The following ZNF568 variants were observed in gnomAD, a reference collection of about 807,000 sequenced individuals.
ZNF568 encodes the protein zinc finger protein 568.
ZNF568 carries 11 observed loss-of-function variants against 18.1 expected under a neutral mutation model. The observed-to-expected ratio is 0.61, with a 90% CI of 0.38 to 1.00. The LOEUF is 1.00. Ranked by LOEUF, ZNF568 falls within the 50% of genes least tolerant of loss-of-function variation. ZNF568 has a pLI of 0.01. For missense variants in ZNF568, 639 were observed against 768.2 expected, an observed-to-expected ratio of 0.83 and a Z score of 1.99; for synonymous variants, 213 against 246.6, an observed-to-expected ratio of 0.86 and a Z score of 1.28.
chr19:36,960,714 G>A (rs895294605), intron 6 of ZNF568, among the ~76,000 whole-genome samples: 13 of 149,246 alleles, frequency 8.7e-5, no homozygotes, highest in African/African-American at 2.7e-4. Flanking sequence ...GGCAACAAGA[G>A]TGAAACTCCA....
intron 4 of ZNF568, among the ~76,000 whole-genome samples, chr19:36,993,751 A>G (rs1423486240): frequency 1.3e-5 from 2 of 152,018 alleles, no homozygotes; most frequent in African/African-American, 2.4e-5. Flanking sequence ...GATATCTCCT[A>G]TTTCATTCCT....
chr19:36,970,678 T>G (rs936704539), intron 6 of ZNF568, among the ~76,000 whole-genome samples: 31 of 152,240 alleles, frequency 2.0e-4, no homozygotes, highest in African/African-American at 7.0e-4. Context: ...AAAAATTCAT[T>G]GGAGAGCATA....
exon 4 of ZNF568, chr19:36,991,820 G>T (rs758161094): frequency 6.3e-7 from 1 of 1,578,242 alleles, no homozygotes; most frequent in South Asian, 1.1e-5. Context: ...ATGGTTAAGA[G>T]GAAGGAGACA....
chr19:36,925,289 A>G (rs749993305), intron 4 of ZNF568, 31 bp downstream of exon 4: 4 of 1,606,280 alleles, frequency 2.5e-6, no homozygotes, highest in Non-Finnish European at 3.4e-6. Context: ...TGTTTCCTGC[A>G]TTATTTTGCA....
downstream of ZNF568, chr19:36,997,442 T>G: frequency 6.3e-7 from 1 of 1,590,348 alleles, no homozygotes; most frequent in Middle Eastern, 1.7e-4. Context: ...CATCAAAAAG[T>G]TCACACTGGG....
At position 36,988,872 on chromosome 19, in the gene ZNF568, T is replaced by G. The variant is rs182951865; in HGVS notation, c.10-2304T>G. Among the ~76,000 whole-genome samples, 229 of 152,280 alleles carry G rather than the reference T, an allele frequency of 1.5e-3. No individual in the cohort carries two copies. In the Middle Eastern group the frequency reaches 0.017, roughly 11 times the overall value. On this transcript the variant is annotated intron_variant, in intron 2 of 4. Coordinates refer to the ZNF568 transcript ENST00000433993. ...TGGTAAGAACATTCAAAAGCCTCTC[T>G]TCTAGCTATTTTGTAATATACAATA...
chr19:36,924,810 G>T (rs1465783834), intron 3 of ZNF568, among the ~76,000 whole-genome samples: 1 of 150,716 alleles, frequency 6.6e-6, no homozygotes, highest in South Asian at 2.1e-4. Flanking sequence ...CAGCCTGGAC[G>T]GCAGAGTGAG....
At chr19:36,989,581 TCTTG>T (rs1568409238) in intron 2 of ZNF568, among the ~76,000 whole-genome samples, 1 of 152,188 alleles carries the variant, frequency 6.6e-6, no homozygotes, top group Non-Finnish European at 1.5e-5. Context: ...TGAGACAACA[TCTTG>T]CTTGGTCACC....
downstream of ZNF568, among the ~76,000 whole-genome samples, chr19:36,956,692 G>A (rs995158690): frequency 4.5e-4 from 68 of 151,946 alleles, no homozygotes; most frequent in Middle Eastern, 3.2e-3. Flanking sequence ...TGCCTCCCAG[G>A]CTCAAGCGAT....
intron 6 of ZNF568, among the ~76,000 whole-genome samples, chr19:36,962,277 G>GTTTTTT (rs71177418): frequency 6.8e-4 from 31 of 45,262 alleles, no homozygotes; most frequent in Middle Eastern, 0.02. Context: ...GTGTTGCAGT[G>GTTTTTT]TTTTTTTTTT....
At chr19:36,948,267 C>T (rs73618496) in intron 6 of ZNF568, among the ~76,000 whole-genome samples, 1,993 of 152,228 alleles carry the variant, frequency 0.013, 46 homozygotes, top group African/African-American at 0.045. Flanking sequence ...TAGCAACATG[C>T]ATTTAAGGTT....
rs2074475402 is a variant in ZNF568 at position 36,996,700 on chromosome 19, AG to A, written c.614del (p.Ser205ThrfsTer130). On this transcript the variant is annotated frameshift_variant, in exon 5 of 5. Coordinates refer to the ZNF568 transcript ENST00000433993. LOFTEE classifies it low-confidence loss of function (END_TRUNC). ...GATTAAGCATCAGACGCTTCATGAAAGCAAAAAACATAGTGAAAATAACAAA... is the reference window on the plus strand; with the variant it reads ...GATTAAGCATCAGACGCTTCATGAAACAAAAAACATAGTGAAAATAACAAA... 2 of 1,536,112 alleles carry A rather than the reference AG, an allele frequency of 1.3e-6. No homozygotes were observed. The highest frequency in any genetic ancestry group is 2.4e-5 in the South Asian group (2 of 83,952).
At chr19:36,956,664 T>G (rs2074110078), downstream of ZNF568, among the ~76,000 whole-genome samples, 1 of 152,074 alleles carries the variant, frequency 6.6e-6, no homozygotes, top group African/African-American at 2.4e-5. Flanking sequence ...TGATGCAATC[T>G]TGGCTCACTG....
At chr19:36,996,791 A>C (rs1302833737) in exon 5 of ZNF568, 1 of 1,553,800 alleles carries the variant, frequency 6.4e-7, no homozygotes, top group Admixed American at 1.9e-5. Flanking sequence ...GAGAAACCTC[A>C]TAAATGTAAG....
chr19:36,955,270 T>C (rs919024811), downstream of ZNF568, among the ~76,000 whole-genome samples: 2 of 152,166 alleles, frequency 1.3e-5, no homozygotes, highest in African/African-American at 4.8e-5. Flanking sequence ...GTTTGTTTGT[T>C]TTTGGCCTGT....
At chr19:36,978,401 A>C (rs538852183) in intron 7 of ZNF568, among the ~76,000 whole-genome samples, 25 of 152,216 alleles carry the variant, frequency 1.6e-4, no homozygotes, top group South Asian at 1.5e-3. Context: ...CAGCTATCCC[A>C]GTTAACTTTC....
intron 6 of ZNF568, among the ~76,000 whole-genome samples, chr19:36,967,064 G>A (rs2074200296): frequency 6.6e-6 from 1 of 152,160 alleles, no homozygotes; most frequent in Admixed American, 6.5e-5. Context: ...TGAGTACCTG[G>A]CAACGTAGCA....
intron 4 of ZNF568, among the ~76,000 whole-genome samples, chr19:36,925,653 T>G (rs1456282118): frequency 1.3e-5 from 2 of 150,906 alleles, no homozygotes; most frequent in Admixed American, 6.6e-5. Context: ...CATCCATAGA[T>G]TGAACCAACT....
chr19:36,933,757 T>C (rs1281973840), intron 4 of ZNF568, among the ~76,000 whole-genome samples: 1 of 151,918 alleles, frequency 6.6e-6, no homozygotes, highest in Non-Finnish European at 1.5e-5. Context: ...GGGTAATACT[T>C]GCCTCATAAA....
Sources: allele counts gnomAD v4.1 joint callset (sites outside exome capture counted in the v4.1 genomes callset), GRCh38; gene constraint gnomAD v4.1.1; transcripts MANE v1.5; gene names NCBI Gene and HGNC (gene_info 2026-07-23, HGNC 2026-07-21).